Variants in BRAF observed in about 807,000 individuals in gnomAD.
BRAF encodes B-Raf proto-oncogene, serine/threonine kinase.
In BRAF, 16 loss-of-function variants were observed where a neutral mutation model predicts 104.6. That is an observed-to-expected ratio of 0.15 (90% CI 0.10 to 0.23). The LOEUF is 0.23. Ranked by LOEUF, BRAF falls within the 10% of genes least tolerant of loss-of-function variation. The pLI is 1.00. For missense variants in BRAF, 541 were observed against 937.3 expected, an observed-to-expected ratio of 0.58 and a Z score of 5.52; for synonymous variants, 310 against 341.6, an observed-to-expected ratio of 0.91 and a Z score of 1.02.
At chr7:140,845,179 A>G (rs1316756111) in intron 2 of BRAF, among the ~76,000 whole-genome samples, 2 of 152,208 alleles carry the variant, frequency 1.3e-5, no homozygotes, top group Non-Finnish European at 2.9e-5. Flanking sequence ...TGATGCTGAG[A>G]AAACTGGGTA....
At chr7:140,798,279 T>TTTTTTTTTTTTC (rs1371424123) in intron 7 of BRAF, among the ~76,000 whole-genome samples, 1 of 145,760 alleles carries the variant, frequency 6.9e-6, no homozygotes, top group Non-Finnish European at 1.5e-5. Context: ...TTTCTTTTTT[T>TTTTTTTTTTTTC]TGAGACGGAG....
At chr7:140,888,559 G>A (rs186363735) in intron 1 of BRAF, among the ~76,000 whole-genome samples, 1,739 of 152,168 alleles carry the variant, frequency 0.011, 16 homozygotes, top group South Asian at 0.022. Flanking sequence ...GATCTAGCGC[G>A]GGTGCAGTGG....
intron 3 of BRAF, among the ~76,000 whole-genome samples, chr7:140,822,681 T>TTTG (rs1805612797): frequency 6.6e-6 from 1 of 152,246 alleles, no homozygotes; most frequent in Non-Finnish European, 1.5e-5. Context: ...CACCTGTTTA[T>TTTG]GGACATTTGG....
intron 3 of BRAF, among the ~76,000 whole-genome samples, chr7:140,814,883 C>T (rs1804700082): frequency 6.8e-6 from 1 of 147,254 alleles, no homozygotes; most frequent in African/African-American, 2.5e-5. Context: ...AACAGTTGTT[C>T]TAAAATTTAG....
intron 1 of BRAF, among the ~76,000 whole-genome samples, chr7:140,858,452 T>C (rs941216285): frequency 6.6e-6 from 1 of 152,224 alleles, no homozygotes; most frequent in Non-Finnish European, 1.5e-5. Flanking sequence ...GCCTTGGCAA[T>C]TGGACTAATC....
chr7:140,729,640 T>G (rs1795823912), intron 19 of BRAF, among the ~76,000 whole-genome samples: 1 of 151,378 alleles, frequency 6.6e-6, no homozygotes, highest in Non-Finnish European at 1.5e-5. Flanking sequence ...AAATTACGTG[T>G]GGTGCCACAT....
rs538272745 is a variant in BRAF, at chr7:140,783,464, A to T, written c.1298-307T>A. 14 of 263,988 alleles carry T rather than the reference A, an allele frequency of 5.3e-5. No individual in the cohort carries two copies. The South Asian group carries it at 2.3e-3, about 43-fold the overall frequency. The allele number at this position is 263,988 out of a possible 1,614,324, so 16.4% of individuals were successfully genotyped here. On this transcript the variant is annotated intron_variant, in intron 10 of 19. Coordinates refer to ENST00000644969, the MANE Select transcript of BRAF (RefSeq NM_001374258.1). Reference sequence around the variant, plus strand: ...TCTAAAACAAGACAGAAATACTAAAAATACTCCCAAGTTTCTGTTTCTTTG... The same window carrying T: ...TCTAAAACAAGACAGAAATACTAAATATACTCCCAAGTTTCTGTTTCTTTG...
chr7:140,717,906 C>T (rs1388904399), downstream of BRAF, among the ~76,000 whole-genome samples: 1 of 152,068 alleles, frequency 6.6e-6, no homozygotes, highest in African/African-American at 2.4e-5. Flanking sequence ...TTATTTTTAG[C>T]GTGGGTGTCT....
At position 140,743,627 on chromosome 7, in the gene BRAF, G is replaced by C. The variant is rs574598215; in HGVS notation, c.2113-3681C>G. On this transcript the variant is annotated intron_variant, in intron 17 of 19. Transcript: ENST00000644969. ...TTAGGAGATATACCTAATGCTAAAT[G>C]ATGAGTTAATGGGTGCAGCACACCA... is the stretch of plus-strand genomic sequence containing the variant. Among the ~76,000 whole-genome samples, 380 of 151,964 alleles carry C rather than the reference G, an allele frequency of 2.5e-3. 2 individuals are homozygous for C. Among genetic ancestry groups the C allele is most frequent in the Non-Finnish European group, 4.8e-3 (325 of 67,988 alleles).
At chr7:140,831,438 T>G (rs1039374187) in intron 3 of BRAF, among the ~76,000 whole-genome samples, 1 of 152,184 alleles carries the variant, frequency 6.6e-6, no homozygotes, top group Non-Finnish European at 1.5e-5. Flanking sequence ...AGTTCCACCA[T>G]TTAAACACAC....
chr7:140,734,791 AAAAAAG>A (rs1356818442), intron 18 of BRAF, 21 bp from the exon 18 acceptor site: 6 of 1,198,328 alleles, frequency 5.0e-6, no homozygotes, highest in South Asian at 1.6e-5. Flanking sequence ...AAAAAGAAAA[AAAAAAG>A]AAAAAAAAAG....
At chr7:140,760,782 G>A (rs1798638618) in intron 14 of BRAF, among the ~76,000 whole-genome samples, 1 of 152,048 alleles carries the variant, frequency 6.6e-6, no homozygotes, top group Non-Finnish European at 1.5e-5. Flanking sequence ...TGGAAGAAAG[G>A]GTATCAGTGA....
At chr7:140,778,445 C>A (rs1007629679) in intron 12 of BRAF, among the ~76,000 whole-genome samples, 38 of 152,230 alleles carry the variant, frequency 2.5e-4, no homozygotes, top group African/African-American at 9.1e-4. Context: ...GTTGAAACTA[C>A]AATTACCAGG....
At chr7:140,765,010 C>T (rs200399457) in intron 14 of BRAF, among the ~76,000 whole-genome samples, 1 of 152,116 alleles carries the variant, frequency 6.6e-6, no homozygotes, top group Admixed American at 6.6e-5. Context: ...AAGCCAAAAG[C>T]ACAAAGCTGG....
chr7:140,832,344 A>G (rs1338805605), intron 3 of BRAF, among the ~76,000 whole-genome samples: 3 of 152,246 alleles, frequency 2.0e-5, no homozygotes, highest in African/African-American at 4.8e-5. Flanking sequence ...TCACTACCAC[A>G]AACAATTTTA....
chr7:140,721,114 T>C lies in BRAF; in HGVS notation c.*5380A>G. 9.4e-7 allele frequency: 1 copy of C among 1,064,866 alleles called. No homozygotes were observed. The highest frequency in any genetic ancestry group is 4.5e-5 in the South Asian group (1 of 21,982). The allele number at this position is 1,064,866 out of a possible 1,614,324, so 66.0% of individuals were successfully genotyped here. A position where few individuals can be genotyped will look rare whatever the true frequency, so the allele number is the denominator to read the frequency against. ...CCTCTAAAAAATGGATACACTGGCT[T>C]ACATTGGCTGTGTCCTCATACACAC... On this transcript the variant is annotated 3_prime_UTR_variant, in exon 20 of 20. Coordinates refer to ENST00000644969, the MANE Select transcript of BRAF (RefSeq NM_001374258.1).
chr7:140,805,278 G>C (rs1005895673), intron 5 of BRAF, among the ~76,000 whole-genome samples: 1 of 151,970 alleles, frequency 6.6e-6, no homozygotes, highest in African/African-American at 2.4e-5. Context: ...TCACTTTCTA[G>C]GGGATATAAA....
chr7:140,807,314 T>C (rs1480513468), intron 5 of BRAF, among the ~76,000 whole-genome samples: 1 of 152,204 alleles, frequency 6.6e-6, no homozygotes, highest in Non-Finnish European at 1.5e-5. Flanking sequence ...TTTAGCCCTG[T>C]ATGTAACAGA....
intron 1 of BRAF, chr7:140,884,275 C>T (rs1038294406): frequency 5.3e-5 from 8 of 151,724 alleles, no homozygotes; most frequent in African/African-American, 1.2e-4. Flanking sequence ...TTTGGAAATA[C>T]GGAGAAAACC....
Sources: allele counts gnomAD v4.1 joint callset (sites outside exome capture counted in the v4.1 genomes callset), GRCh38; gene constraint gnomAD v4.1.1; transcripts MANE v1.5; gene names NCBI Gene and HGNC (gene_info 2026-07-23, HGNC 2026-07-21).